The following COP1 variants were observed in gnomAD, a reference collection of about 807,000 sequenced individuals.
COP1 encodes COP1 E3 ubiquitin ligase.
Under a neutral mutation model 101.3 loss-of-function variants are expected in COP1, and 24 were observed. That is an observed-to-expected ratio of 0.24 (90% CI 0.17 to 0.33). The LOEUF (loss-of-function observed/expected upper bound fraction) is 0.33. COP1 is among the 10% of genes least tolerant of loss of function. COP1 has a pLI of 1.00. For missense variants in COP1, 663 were observed against 906.2 expected, an observed-to-expected ratio of 0.73 and a Z score of 3.45; for synonymous variants, 347 against 341.9, an observed-to-expected ratio of 1.01 and a Z score of -0.17.
intron 9 of COP1, among the ~76,000 whole-genome samples, chr1:176,110,141 ATCTTG>A (rs899776154): frequency 1.3e-5 from 2 of 152,120 alleles, no homozygotes; most frequent in African/African-American, 4.8e-5. Flanking sequence ...GATACTATTT[ATCTTG>A]TCTTAGATTC....
intron 8 of COP1, among the ~76,000 whole-genome samples, chr1:176,120,435 A>T (rs949007967): frequency 2.7e-4 from 37 of 134,966 alleles, no homozygotes; most frequent in Admixed American, 1.7e-3. Context: ...TCCAAAAAAT[A>T]AAAAAAAAAA....
At chr1:176,042,027 G>A (rs968026503) in intron 14 of COP1, among the ~76,000 whole-genome samples, 3 of 152,090 alleles carry the variant, frequency 2.0e-5, no homozygotes, top group Admixed American at 6.5e-5. Context: ...CAAAAGAATC[G>A]CTTGAACCTG....
chr1:176,063,190 GCTGGGACTACAGGCGC>G (rs1675278645), intron 11 of COP1, among the ~76,000 whole-genome samples: 1 of 151,428 alleles, frequency 6.6e-6, no homozygotes, highest in Non-Finnish European at 1.5e-5. Flanking sequence ...CTCCCGAGTA[GCTGGGACTACAGGCGC>G]CCGCCACCGC....
At chr1:176,005,020 C>T (rs1192877852) in intron 15 of COP1, among the ~76,000 whole-genome samples, 1 of 152,258 alleles carries the variant, frequency 6.6e-6, no homozygotes, top group African/African-American at 2.4e-5. Flanking sequence ...ATTCTTGCCA[C>T]AATTTCAGAG....
intron 15 of COP1, among the ~76,000 whole-genome samples, chr1:176,003,162 G>C (rs1413441742): frequency 1.3e-5 from 2 of 152,100 alleles, no homozygotes; most frequent in African/African-American, 2.4e-5. Context: ...CTTCTTTTGA[G>C]AAGTGTCTGT....
intron 11 of COP1, among the ~76,000 whole-genome samples, chr1:176,079,665 A>T (rs917806892): frequency 7.3e-5 from 11 of 151,536 alleles, no homozygotes; most frequent in African/African-American, 2.7e-4. Context: ...GGTATTAAAA[A>T]TAATAAAAAA....
At position 176,151,838 on chromosome 1, in the gene COP1, C is replaced by T. The variant is rs535152733; in HGVS notation, c.763-2764G>A. Among the ~76,000 whole-genome samples the T allele has an allele frequency of 5.3e-5, 8 of 152,104 alleles. No homozygotes were observed. The East Asian group carries it at 1.5e-3, about 29-fold the overall frequency. On this transcript the variant is annotated intron_variant, in intron 5 of 19. Coordinates refer to ENST00000367669, the MANE Select transcript of COP1 (RefSeq NM_022457.7). ...ATGTAACTGATTTTTAAATATTTCACTATAAATGAGTAATTTGGTCCTTAC... is the reference window on the plus strand; with the variant it reads ...ATGTAACTGATTTTTAAATATTTCATTATAAATGAGTAATTTGGTCCTTAC...
intron 11 of COP1, among the ~76,000 whole-genome samples, chr1:176,051,129 T>C (rs1199576124): frequency 6.6e-6 from 1 of 152,118 alleles, no homozygotes; most frequent in East Asian, 1.9e-4. Flanking sequence ...TATATGCAAA[T>C]GTCAAATGAT....
intron 11 of COP1, among the ~76,000 whole-genome samples, chr1:176,067,077 T>C (rs1379164095): frequency 2.0e-5 from 3 of 152,148 alleles, no homozygotes; most frequent in African/African-American, 7.2e-5. Flanking sequence ...TAAGAAATTA[T>C]AAAAAGTATG....
At chr1:176,097,786 T>A (rs1682676031) in intron 9 of COP1, among the ~76,000 whole-genome samples, 1 of 150,438 alleles carries the variant, frequency 6.6e-6, no homozygotes, top group South Asian at 2.1e-4. Flanking sequence ...GGACAATCGC[T>A]TGAACATGGG....
chr1:175,955,766 C>CCACACACACACACACAAACA (rs1553275346), intron 18 of COP1, among the ~76,000 whole-genome samples: 4,900 of 129,274 alleles, frequency 0.038, 124 homozygotes, highest in South Asian at 0.046. Flanking sequence ...TAGAGACAAA[C>CCACACACACACACACAAACA]CACACACACA....
chr1:176,058,009 C>T (rs1472733758), intron 11 of COP1, among the ~76,000 whole-genome samples: 1 of 84,492 alleles, frequency 1.2e-5, no homozygotes, highest in African/African-American at 3.0e-5. Context: ...TGAGGAGCCC[C>T]TCCGCCCGGC....
At chr1:176,023,445 G>A (rs536017205) in intron 15 of COP1, among the ~76,000 whole-genome samples, 6 of 152,266 alleles carry the variant, frequency 3.9e-5, no homozygotes, top group Admixed American at 1.3e-4. Context: ...CAGGCCAGGC[G>A]TGGTGGCTCA....
At chr1:176,075,386 T>G (rs1348085092) in intron 11 of COP1, among the ~76,000 whole-genome samples, 1 of 152,202 alleles carries the variant, frequency 6.6e-6, no homozygotes. Context: ...GTCCTGTAAA[T>G]GAAAAGCATG....
At chr1:176,122,030 C>T (rs915818853) in intron 8 of COP1, among the ~76,000 whole-genome samples, 3 of 151,522 alleles carry the variant, frequency 2.0e-5, no homozygotes, top group Non-Finnish European at 4.4e-5. Flanking sequence ...GTCCCAGCTA[C>T]TCAGGAGGCT....
rs1287458392 is a variant in COP1, at chr1:176,116,619, T to C, written c.1026+5A>G. 2 of 1,603,534 alleles carry C rather than the reference T, an allele frequency of 1.2e-6. No homozygotes were observed. On this transcript the variant is annotated splice_donor_5th_base_variant and intron_variant, in intron 9 of 19. Transcript: ENST00000367669. ...ATCATTAAAGCAAACAAAGATATCG[T>C]TTACCTGAGAACTGCCACTGAAACC...
chr1:175,980,051 A>G (rs1021308780), intron 18 of COP1, among the ~76,000 whole-genome samples: 5 of 152,168 alleles, frequency 3.3e-5, no homozygotes, highest in Admixed American at 2.6e-4. Flanking sequence ...CTTTATGTGC[A>G]TCACCACATT....
intron 9 of COP1, among the ~76,000 whole-genome samples, chr1:176,100,749 C>G (rs752473287): frequency 1.3e-5 from 2 of 152,158 alleles, no homozygotes; most frequent in African/African-American, 2.4e-5. Context: ...ATAACTATAT[C>G]CACCAGTTAT....
intron 14 of COP1, among the ~76,000 whole-genome samples, chr1:176,028,707 A>ATATATATATATATATG (rs1553228731): frequency 1.6e-5 from 2 of 126,728 alleles, no homozygotes; most frequent in African/African-American, 5.7e-5. Context: ...ATATATATAT[A>ATATATATATATATATG]TATATATATA....
Sources: gnomAD v4.1 joint callset for allele counts (sites outside exome capture counted in the v4.1 genomes callset) on GRCh38, gnomAD v4.1.1 for gene constraint, MANE v1.5 for transcripts, NCBI Gene and HGNC (gene_info 2026-07-23, HGNC 2026-07-21) for gene names.